XKR9: variants seen among roughly 807,000 people sequenced by gnomAD.
XKR9 encodes XK-related protein 9.
In XKR9, 32 loss-of-function variants were observed where a neutral mutation model predicts 32.0. The ratio of observed to expected loss-of-function variants is 1.00; its 90% confidence interval spans 0.76 to 1.34. The LOEUF (loss-of-function observed/expected upper bound fraction) is 1.34, where lower values mean the gene tolerates loss of function less well. Among genes scored for constraint, XKR9 ranks in the 40% most tolerant of loss-of-function variants. XKR9 has a pLI of 0.00. For missense variants in XKR9, 546 were observed against 429.7 expected (o/e 1.27, Z -2.39); for synonymous variants, 168 against 143.4 (o/e 1.17, Z -1.22).
chr8:70,751,681 C>T (rs1198907767), intron 2 of XKR9, among the ~76,000 whole-genome samples: 1 of 152,186 alleles, frequency 6.6e-6, no homozygotes, highest in Non-Finnish European at 1.5e-5. Context: ...CTACCTCCTC[C>T]TGCCCTTGGA....
At chr8:70,964,586 C>T in the XKR9 span, among the ~76,000 whole-genome samples, 16 of 151,946 alleles carry the variant, frequency 1.1e-4, no homozygotes, top group African/African-American at 3.6e-4. Flanking sequence ...TATCCATGAG[C>T]ATGGAATGTT....
chr8:71,032,561 A>C, the XKR9 span, among the ~76,000 whole-genome samples: 3 of 152,148 alleles, frequency 2.0e-5, no homozygotes, highest in Admixed American at 1.3e-4. Context: ...AGAGATTCCT[A>C]ACTTTACTTA....
chr8:70,896,545 G>A, the XKR9 span, among the ~76,000 whole-genome samples: 1 of 149,464 alleles, frequency 6.7e-6, no homozygotes, highest in Non-Finnish European at 1.5e-5. Flanking sequence ...TAATGCGTAT[G>A]TTCTGTTTTT....
the XKR9 span, among the ~76,000 whole-genome samples, chr8:70,923,836 A>G: frequency 6.6e-6 from 1 of 152,138 alleles, no homozygotes; most frequent in Non-Finnish European, 1.5e-5. Context: ...CATAGTGTCT[A>G]TTATTTATGC....
chr8:70,897,464 C>T, the XKR9 span, among the ~76,000 whole-genome samples: 5 of 152,154 alleles, frequency 3.3e-5, no homozygotes, highest in South Asian at 2.1e-4. Flanking sequence ...CTGTACTATT[C>T]TCCATAGTGG....
chr8:70,920,297 T>C, the XKR9 span, among the ~76,000 whole-genome samples: 1 of 152,186 alleles, frequency 6.6e-6, no homozygotes, highest in Non-Finnish European at 1.5e-5. Context: ...GACATTACAT[T>C]AATGATAAAC....
downstream of XKR9, among the ~76,000 whole-genome samples, chr8:70,790,837 A>G (rs1041069337): frequency 6.6e-6 from 1 of 152,070 alleles, no homozygotes; most frequent in African/African-American, 2.4e-5. Flanking sequence ...CAGTTCTGGA[A>G]CTGGAAAATC....
chr8:71,061,398 A>C, the XKR9 span, among the ~76,000 whole-genome samples: 1 of 152,202 alleles, frequency 6.6e-6, no homozygotes, highest in African/African-American at 2.4e-5. Context: ...ATGACAGAGC[A>C]GTGTTCCAGC....
At position 70,783,448 on chromosome 8, in the gene XKR9, G is replaced by A. The variant is rs547330974; in HGVS notation, n.353-5891G>A. On this transcript the variant is annotated intron_variant and non_coding_transcript_variant, in intron 2 of 3. Coordinates refer to the XKR9 transcript ENST00000520273. ...TCACCGTGTTAGCCAGAATGGTCTC[G>A]ATCTCCTGACCTCGTGATCTGCCTG... Among the ~76,000 whole-genome samples the A allele has an allele frequency of 2.0e-5, 3 of 152,018 alleles. No individual in the cohort carries two copies. In the East Asian group the frequency reaches 5.8e-4, roughly 29 times the overall value.
At chr8:70,699,323 G>T (rs1024814171) in intron 3 of XKR9, among the ~76,000 whole-genome samples, 4 of 152,148 alleles carry the variant, frequency 2.6e-5, no homozygotes, top group Non-Finnish European at 5.9e-5. Flanking sequence ...GCTGGTACCG[G>T]TTGTTCCTTT....
At position 70,754,210 on chromosome 8, in the gene XKR9, A is replaced by T. The variant is rs1417314809; in HGVS notation, n.353-35129A>T. Among the ~76,000 whole-genome samples the T allele has an allele frequency of 4.7e-5, 7 of 148,194 alleles. 1 individual carries two copies. Among genetic ancestry groups the T allele is most frequent in the Non-Finnish European group, 8.9e-5 (6 of 67,370 alleles). ...ATACTTAGGAATCAACTTACAAGGGATGTGAAGGATCTCTTCAAGGAGAGC... is the reference window on the plus strand; with the variant it reads ...ATACTTAGGAATCAACTTACAAGGGTTGTGAAGGATCTCTTCAAGGAGAGC... On this transcript the variant is annotated intron_variant and non_coding_transcript_variant, in intron 2 of 3. Transcript: ENST00000520273.
the XKR9 span, among the ~76,000 whole-genome samples, chr8:70,902,998 T>A: frequency 6.6e-6 from 1 of 152,222 alleles, no homozygotes; most frequent in African/African-American, 2.4e-5. Flanking sequence ...GCCAACTTGA[T>A]CATGTTTGAT....
chr8:71,010,749 C>A, the XKR9 span, among the ~76,000 whole-genome samples: 1 of 152,148 alleles, frequency 6.6e-6, no homozygotes, highest in Non-Finnish European at 1.5e-5. Flanking sequence ...ATCAAACAAT[C>A]AGTCTTCTTT....
chr8:70,956,470 C>T, the XKR9 span, among the ~76,000 whole-genome samples: 2 of 152,176 alleles, frequency 1.3e-5, no homozygotes, highest in Non-Finnish European at 2.9e-5. Context: ...GTTCTTACTC[C>T]AGGTGCCCAC....
At chr8:71,026,863 A>T in the XKR9 span, among the ~76,000 whole-genome samples, 1 of 152,208 alleles carries the variant, frequency 6.6e-6, no homozygotes, top group African/African-American at 2.4e-5. Context: ...AATACAGGGA[A>T]ATTCTATCAT....
chr8:70,723,932 C>G (rs909168357), intron 4 of XKR9, among the ~76,000 whole-genome samples: 8 of 148,116 alleles, frequency 5.4e-5, no homozygotes, highest in African/African-American at 2.0e-4. Flanking sequence ...GTGGCCCAGG[C>G]GGGAGTGCAG....
downstream of XKR9, among the ~76,000 whole-genome samples, chr8:70,739,031 C>A (rs970839845): frequency 6.6e-6 from 1 of 151,698 alleles, no homozygotes; most frequent in African/African-American, 2.4e-5. Flanking sequence ...TCCTTGTTAA[C>A]TTTCTGTCTT....
chr8:70,679,076 A>G (rs759523155), intron 2 of XKR9, among the ~76,000 whole-genome samples: 1 of 152,172 alleles, frequency 6.6e-6, no homozygotes, highest in Non-Finnish European at 1.5e-5. Context: ...TCCTTGGGTT[A>G]CAGATGGCTG....
the XKR9 span, among the ~76,000 whole-genome samples, chr8:71,054,863 A>G: frequency 6.6e-6 from 1 of 152,246 alleles, no homozygotes; most frequent in Admixed American, 6.5e-5. Context: ...TTAGTTTACC[A>G]AGAAACTGAC....
Sources: gnomAD v4.1 joint callset for allele counts (sites outside exome capture counted in the v4.1 genomes callset) on GRCh38, gnomAD v4.1.1 for gene constraint, MANE v1.5 for transcripts, NCBI Gene and HGNC (gene_info 2026-07-23, HGNC 2026-07-21) for gene names.